REG4: variants seen among roughly 807,000 people sequenced by gnomAD.
REG4 encodes the protein regenerating family member 4.
A neutral mutation model predicts 22.3 loss-of-function variants in REG4; 16 were observed. The ratio of observed to expected loss-of-function variants is 0.72; its 90% CI spans 0.49 to 1.09. The LOEUF is 1.09. Among genes scored for constraint, REG4 ranks in the 50% least tolerant of loss-of-function variants. REG4 has a pLI of 0.00. For synonymous variants in REG4, 71 were observed against 69.2 expected (o/e 1.03, Z -0.13); for missense variants, 214 against 193.9 (o/e 1.10, Z -0.61).
chr1:119,798,626 G>T (rs587646663), intron 4 of REG4, 24 bp from the exon 5 acceptor site: 1 of 1,601,434 alleles, frequency 6.2e-7, no homozygotes, highest in Admixed American at 1.7e-5. Flanking sequence ...AGATGGAGAA[G>T]TGTACAGCTC....
Position 119,808,749 on chromosome 1 carries a change from C to A in REG4, c.21G>T (p.Arg7=). The A allele has an allele frequency of 6.2e-7, 1 of 1,613,884 alleles. No homozygotes were observed. Among genetic ancestry groups the A allele is most frequent in the Non-Finnish European group, 8.5e-7 (1 of 1,179,814 alleles). Residue 7 remains arginine, a synonymous_variant, in exon 2 of 6, where the codon CGG becomes CGT. Coordinates refer to ENST00000256585, the MANE Select transcript of REG4 (RefSeq NM_032044.4). ...CCAGGCAGCTCAGCAATAGGAGCAG[C>A]CGCATGCTTCTGGAAGCCATCTTCC... The part of the protein sequence containing the change: MASRSM[R]LLLLLSCLAK...
At position 119,806,917 on chromosome 1, in the gene REG4, G is replaced by T. The variant is rs916306834; in HGVS notation, c.67+1786C>A. Among the ~76,000 whole-genome samples, 5 of 152,210 alleles carry T rather than the reference G, an allele frequency of 3.3e-5. No homozygotes were observed. In the South Asian group the frequency reaches 8.3e-4, roughly 25 times the overall value. On this transcript the variant is annotated intron_variant, in intron 2 of 5. Coordinates refer to ENST00000256585, the MANE Select transcript of REG4 (RefSeq NM_032044.4). Reference sequence around the variant, plus strand: ...ATATGCCTTCTTCACACAGTTGTTGGGAAGATTAATTAAGATAATTCACGT... The same window carrying T: ...ATATGCCTTCTTCACACAGTTGTTGTGAAGATTAATTAAGATAATTCACGT...
rs1232440088 is a variant in REG4 at position 119,804,905 on chromosome 1, C to T, written c.68-1740G>A. On this transcript the variant is annotated intron_variant, in intron 2 of 5. Transcript: ENST00000256585. ...TTTCTGCCCCTCACCCTGCAAGGTGCTTTCTTGATGCCAGGCACCATGTTA... is the reference window on the plus strand; with the variant it reads ...TTTCTGCCCCTCACCCTGCAAGGTGTTTTCTTGATGCCAGGCACCATGTTA... Among the ~76,000 whole-genome samples the T allele has an allele frequency of 3.2e-4, 49 of 152,126 alleles. 2 individuals are homozygous for T. Among genetic ancestry groups the T allele is most frequent in the Admixed American group, 3.1e-3 (48 of 15,268 alleles).
At chr1:119,808,563 A>G in intron 2 of REG4, 140 bp downstream of exon 2, 1 of 621,224 alleles carries the variant, frequency 1.6e-6, no homozygotes, top group Non-Finnish European at 2.9e-6. Flanking sequence ...TTTAGTACCT[A>G]TCTTTGTTTT....
chr1:119,795,737 T>C (rs1653919341), intron 5 of REG4, among the ~76,000 whole-genome samples: 1 of 152,166 alleles, frequency 6.6e-6, no homozygotes, highest in Admixed American at 6.5e-5. Context: ...GGATGGGGCC[T>C]GCCCATGCCT....
At chr1:119,802,531 T>C (rs1226582270) in intron 3 of REG4, 39 of 1,093,288 alleles carry the variant, frequency 3.6e-5, no homozygotes, top group Non-Finnish European at 4.3e-5. Context: ...GATAACTTAC[T>C]TTGACTGTCT....
At chr1:119,798,392 G>T in intron 5 of REG4, 105 bp downstream of exon 5, 1 of 830,616 alleles carries the variant, frequency 1.2e-6, no homozygotes, top group Non-Finnish European at 2.1e-6. Context: ...TTGTTGGTGT[G>T]GAATGAGGAG....
chr1:119,804,300 T>A (rs906003332), intron 2 of REG4, among the ~76,000 whole-genome samples: 1 of 152,126 alleles, frequency 6.6e-6, no homozygotes, highest in Non-Finnish European at 1.5e-5. Context: ...TGCCTATGCA[T>A]CTCCCAGGGC....
Position 119,806,605 on chromosome 1 carries a change from T to C in REG4, c.67+2098A>G, listed in dbSNP as rs144437050. Among the ~76,000 whole-genome samples the C allele has an allele frequency of 1.5e-3, 227 of 152,278 alleles. 1 individual carries two copies. The highest frequency in any genetic ancestry group is 5.2e-3 in the African/African-American group (216 of 41,552). On this transcript the variant is annotated intron_variant, in intron 2 of 5. Transcript: ENST00000256585. ...CCATTGTACAGAGAAGAGAACCTCC[T>C]CACAGGGGCGAGTAACCTGCTGAGG...
chr1:119,806,018 A>G (rs587634441), intron 2 of REG4, among the ~76,000 whole-genome samples: 112 of 152,196 alleles, frequency 7.4e-4, no homozygotes, highest in African/African-American at 2.2e-3. Flanking sequence ...TGCAGCCTCG[A>G]CTTCCCGGGC....
chr1:119,809,913 T>C (rs1654447021), intron 1 of REG4, among the ~76,000 whole-genome samples: 1 of 152,206 alleles, frequency 6.6e-6, no homozygotes, highest in Admixed American at 6.5e-5. Flanking sequence ...TTATAATTAC[T>C]AATGAAGTTG....
Position 119,806,074 on chromosome 1 carries a change from G to C in REG4, c.67+2629C>G, listed in dbSNP as rs587625898. 2.0e-5 allele frequency among the ~76,000 whole-genome samples: 3 copies of C among 152,302 alleles called. No homozygotes were observed. In the South Asian group the frequency reaches 6.2e-4, roughly 32 times the overall value. ...AGCCTCCTGAGTAGCTGGGACTACA[G>C]GCGAGCACCACTGTACCAGGCTAGT... On this transcript the variant is annotated intron_variant, in intron 2 of 5. Coordinates refer to ENST00000256585, the MANE Select transcript of REG4 (RefSeq NM_032044.4).
At position 119,798,486 on chromosome 1, in the gene REG4, T is replaced by A. The variant is rs1238236704; in HGVS notation, c.409+11A>T. 1.9e-6 allele frequency: 3 copies of A among 1,604,356 alleles called. No individual in the cohort carries two copies. Among genetic ancestry groups the A allele is most frequent in the Admixed American group, 1.7e-5 (1 of 59,984 alleles). ...TTGGGAAGTGGTGAGGGGTGGTGCATTATAACTTACTGTTATTGGAGCTCA... is the reference window on the plus strand; with the variant it reads ...TTGGGAAGTGGTGAGGGGTGGTGCAATATAACTTACTGTTATTGGAGCTCA... On this transcript the variant is annotated intron_variant, in intron 5 of 5. Transcript: ENST00000256585.
At chr1:119,803,452 T>C (rs2101071531) in intron 2 of REG4, among the ~76,000 whole-genome samples, 1 of 152,296 alleles carries the variant, frequency 6.6e-6, no homozygotes, top group South Asian at 2.1e-4. Flanking sequence ...GAGTAGGGGT[T>C]ATGGAAGTCA....
In REG4 at chr1:119,805,348, C is replaced by T. The variant is rs112194356; in HGVS notation, c.68-2183G>A. On this transcript the variant is annotated intron_variant, in intron 2 of 5. Transcript: ENST00000256585. ...TCTGAAAGAGGTGGCAAAGAGGAAC[C>T]CAAATTTCTGACCTTTGGCCCGAGG... Among the ~76,000 whole-genome samples, 36 of 152,180 alleles carry T rather than the reference C, an allele frequency of 2.4e-4. 2 individuals are homozygous for T. Among genetic ancestry groups the T allele is most frequent in the African/African-American group, 8.0e-4 (33 of 41,496 alleles).
chr1:119,796,070 C>T (rs746177617), intron 5 of REG4, among the ~76,000 whole-genome samples: 15 of 152,290 alleles, frequency 9.8e-5, no homozygotes, highest in Non-Finnish European at 1.9e-4. Flanking sequence ...CTCCAGGCCA[C>T]GGAGCCATTA....
Position 119,800,334 on chromosome 1 carries a change from A to G in REG4, c.166-472T>C, listed in dbSNP as rs927325615. ...AAGAAAATAAAATCACTGTCAATGA[A>G]TCTATGATACACAGTGACACAGTGT... On this transcript the variant is annotated intron_variant, in intron 3 of 5. Transcript: ENST00000256585. 4.3e-4 allele frequency among the ~76,000 whole-genome samples: 66 copies of G among 152,228 alleles called. 1 individual carries two copies. The highest frequency in any genetic ancestry group is 5.1e-4 in the Non-Finnish European group (35 of 68,036).
Position 119,808,851 on chromosome 1 carries a change from T to C in REG4, c.-82A>G. On this transcript the variant is annotated 5_prime_UTR_variant, in exon 2 of 6. Transcript: ENST00000256585. ...CTTCTTTGAAACTCCTGGGTTCTCC[T>C]TGATCTGCAAATCTGAACACATTTG... 2.0e-6 allele frequency: 2 copies of C among 981,304 alleles called. No individual in the cohort carries two copies. Among genetic ancestry groups the C allele is most frequent in the Non-Finnish European group, 3.2e-6 (2 of 630,512 alleles). The allele number at this position is 981,304 out of a possible 1,614,324, so 60.8% of individuals were successfully genotyped here.
chr1:119,799,762 CT>C lies in REG4; in HGVS notation c.265del (p.Ser89AlafsTer44). 1 of 1,613,126 alleles carries C rather than the reference CT, an allele frequency of 6.2e-7. No homozygotes were observed. Among genetic ancestry groups the C allele is most frequent in the Middle Eastern group, 1.7e-4 (1 of 5,938 alleles). The stretch of plus-strand genomic sequence containing the variant: ...GTGCAGGCCAATCCATATCGGCTGG[CT>C]TCTCTGATAGCCACTTATGTACTCT... ...IAEYISGYQR[S>X]QPIWIGLHDP... On this transcript the variant is annotated frameshift_variant, in exon 4 of 6. Transcript: ENST00000256585. LOFTEE classifies it high-confidence loss of function.
Sources: gnomAD v4.1 joint callset for allele counts (sites outside exome capture counted in the v4.1 genomes callset) on GRCh38, gnomAD v4.1.1 for gene constraint, MANE v1.5 for transcripts, NCBI Gene and HGNC (gene_info 2026-07-23, HGNC 2026-07-21) for gene names.